Variants in L3MBTL4 observed in about 807,000 individuals in gnomAD.
L3MBTL4 encodes the protein L3MBTL histone methyl-lysine binding protein 4.
In L3MBTL4, 70 loss-of-function variants were observed where a neutral mutation model predicts 84.5. The ratio of observed to expected loss-of-function variants is 0.83; its 90% CI spans 0.68 to 1.01. The LOEUF is 1.01. L3MBTL4 is among the 50% of genes least tolerant of loss of function. L3MBTL4 has a pLI of 0.00. For missense variants in L3MBTL4, 715 were observed against 754.8 expected (o/e 0.95, Z 0.62); for synonymous variants, 274 against 259.8 (o/e 1.05, Z -0.52).
At chr18:6,118,335 C>G (rs751361985) in intron 14 of L3MBTL4, among the ~76,000 whole-genome samples, 9 of 152,090 alleles carry the variant, frequency 5.9e-5, no homozygotes, top group South Asian at 2.1e-4. Flanking sequence ...AAGATACCAC[C>G]TTTCCCCGGA....
intron 17 of L3MBTL4, among the ~76,000 whole-genome samples, chr18:5,963,796 T>C (rs60215348): frequency 0.043 from 6,535 of 152,284 alleles, 443 homozygotes; most frequent in African/African-American, 0.14. Context: ...AATAGAGTAA[T>C]ATCAAGAAGT....
chr18:6,191,624 A>G (rs1488069576), intron 12 of L3MBTL4, among the ~76,000 whole-genome samples: 2 of 152,224 alleles, frequency 1.3e-5, no homozygotes, highest in Non-Finnish European at 2.9e-5. Flanking sequence ...CATTTGAGGA[A>G]ACCACAAAGA....
intron 4 of L3MBTL4, among the ~76,000 whole-genome samples, chr18:6,275,153 C>T (rs1287003836): frequency 6.6e-6 from 1 of 151,992 alleles, no homozygotes; most frequent in African/African-American, 2.4e-5. Flanking sequence ...GAGGAAATCC[C>T]AGGGAGTGTG....
At chr18:6,026,303 T>G (rs2055502785) in intron 16 of L3MBTL4, among the ~76,000 whole-genome samples, 1 of 152,252 alleles carries the variant, frequency 6.6e-6, no homozygotes. Context: ...CAAGTGGGGT[T>G]ATTTTCCTTA....
chr18:6,136,239 C>A (rs1173901341), intron 14 of L3MBTL4, among the ~76,000 whole-genome samples: 1 of 152,202 alleles, frequency 6.6e-6, no homozygotes, highest in Non-Finnish European at 1.5e-5. Context: ...TACAGCCAAA[C>A]CATATCACAG....
At chr18:6,185,580 C>G (rs1324261184) in intron 12 of L3MBTL4, among the ~76,000 whole-genome samples, 1 of 152,086 alleles carries the variant, frequency 6.6e-6, no homozygotes, top group Non-Finnish European at 1.5e-5. Context: ...TCCCACCCCT[C>G]ACCCTCTCAA....
chr18:6,351,182 C>T (rs149958638), intron 1 of L3MBTL4, among the ~76,000 whole-genome samples: 91 of 152,178 alleles, frequency 6.0e-4, no homozygotes, highest in African/African-American at 2.1e-3. Flanking sequence ...GGAGATGCAG[C>T]GAGACTCCAT....
At chr18:5,986,781 C>T (rs984566483) in intron 16 of L3MBTL4, among the ~76,000 whole-genome samples, 6 of 152,322 alleles carry the variant, frequency 3.9e-5, no homozygotes, top group African/African-American at 1.2e-4. Context: ...GGCATGGGCC[C>T]GAGTCCAACT....
chr18:6,060,460 T>A (rs995531758), intron 16 of L3MBTL4, among the ~76,000 whole-genome samples: 2 of 151,670 alleles, frequency 1.3e-5, no homozygotes, highest in Non-Finnish European at 2.9e-5. Flanking sequence ...AAAAAAAAAA[T>A]TTAACAGACA....
intron 16 of L3MBTL4, among the ~76,000 whole-genome samples, chr18:6,065,507 T>G (rs1388102316): frequency 6.6e-6 from 1 of 151,882 alleles, no homozygotes; most frequent in Non-Finnish European, 1.5e-5. Context: ...GCAATTTTTG[T>G]ATTACTGATT....
chr18:6,247,465 G>GAT (rs2047718539), intron 5 of L3MBTL4, among the ~76,000 whole-genome samples: 1 of 84,858 alleles, frequency 1.2e-5, no homozygotes, highest in South Asian at 3.6e-4. Flanking sequence ...CCCCTCCTCT[G>GAT]ATTTTTTTTT....
At chr18:6,143,554 C>T (rs887496251) in intron 13 of L3MBTL4, among the ~76,000 whole-genome samples, 6 of 152,094 alleles carry the variant, frequency 3.9e-5, no homozygotes, top group East Asian at 1.9e-4. Context: ...TACCATCAAA[C>T]GAATGTTTTT....
chr18:5,981,526 G>C (rs548366179), intron 16 of L3MBTL4, among the ~76,000 whole-genome samples: 2 of 152,268 alleles, frequency 1.3e-5, no homozygotes, highest in East Asian at 1.9e-4. Context: ...CGGAAACTAA[G>C]TTCCAAGGGC....
chr18:6,345,055 G>A (rs1230073330), intron 1 of L3MBTL4, among the ~76,000 whole-genome samples: 1 of 151,758 alleles, frequency 6.6e-6, no homozygotes, highest in Non-Finnish European at 1.5e-5. Context: ...GTCTGTCTTT[G>A]CAAGTCACAT....
chr18:6,070,626 G>A (rs1003088297), intron 16 of L3MBTL4, among the ~76,000 whole-genome samples: 1 of 151,198 alleles, frequency 6.6e-6, no homozygotes. Context: ...AGAAAAGCCT[G>A]AGCAACATAG....
intron 16 of L3MBTL4, among the ~76,000 whole-genome samples, chr18:6,060,744 T>C (rs938030545): frequency 3.9e-5 from 6 of 152,188 alleles, no homozygotes; most frequent in African/African-American, 1.4e-4. Context: ...GTATATTGCA[T>C]AGGCTTGGAA....
At chr18:6,225,359 G>T (rs539811067) in intron 10 of L3MBTL4, among the ~76,000 whole-genome samples, 1 of 152,358 alleles carries the variant, frequency 6.6e-6, no homozygotes, top group Non-Finnish European at 1.5e-5. Flanking sequence ...GCCTGCCCAA[G>T]TGCTCAAGGG....
At chr18:6,326,343 C>G (rs1248021476) in intron 1 of L3MBTL4, 2 of 152,262 alleles carry the variant, frequency 1.3e-5, no homozygotes, top group East Asian at 3.8e-4. Context: ...AGATGGCAGA[C>G]CAAACATCCC....
intron 16 of L3MBTL4, among the ~76,000 whole-genome samples, chr18:6,072,584 T>C (rs1037365350): frequency 1.3e-5 from 2 of 151,474 alleles, no homozygotes; most frequent in Non-Finnish European, 2.9e-5. Flanking sequence ...CTCACGCTTG[T>C]AATCCCAGCA....
Sources: allele counts gnomAD v4.1 joint callset (sites outside exome capture counted in the v4.1 genomes callset), GRCh38; gene constraint gnomAD v4.1.1; transcripts MANE v1.5; gene names NCBI Gene and HGNC (gene_info 2026-07-23, HGNC 2026-07-21).